The following C2CD3 variants were observed in gnomAD, a reference collection of about 807,000 sequenced individuals.
The protein encoded by C2CD3 is C2 domain containing 3 centriole elongation regulator.
A neutral mutation model predicts 234.0 loss-of-function variants in C2CD3; 148 were observed. The observed-to-expected ratio is 0.63, with a 90% CI of 0.55 to 0.72. The LOEUF (loss-of-function observed/expected upper bound fraction) is 0.72, where lower values mean the gene tolerates loss of function less well. Ranked by LOEUF, C2CD3 falls within the 30% of genes least tolerant of loss-of-function variation. The pLI, the probability that C2CD3 is intolerant of heterozygous loss-of-function variation, is 0.00. For synonymous variants in C2CD3, 1,000 were observed against 1,035.4 expected (o/e 0.97, Z 0.66); for missense variants, 2,577 against 2,811.5 (o/e 0.92, Z 1.89).
intron 24 of C2CD3, among the ~76,000 whole-genome samples, chr11:74,073,303 T>C (rs1954881021): frequency 6.6e-6 from 1 of 152,158 alleles, no homozygotes; most frequent in Non-Finnish European, 1.5e-5. Context: ...ATAACTACTG[T>C]AGGTCTGGCA....
chr11:74,045,089 AT>A (rs1019123989), intron 28 of C2CD3, among the ~76,000 whole-genome samples: 2 of 151,992 alleles, frequency 1.3e-5, no homozygotes, highest in Non-Finnish European at 2.9e-5. Flanking sequence ...TTTGAAGTTA[AT>A]TTTTGTGTAT....
In C2CD3 at chr11:74,028,339, A is replaced by AG. The variant is rs1225137015; in HGVS notation, c.6868dup (p.Leu2290ProfsTer38). 1 of 1,535,992 alleles carries AG rather than the reference A, an allele frequency of 6.5e-7. No homozygotes were observed. Among genetic ancestry groups the AG allele is most frequent in the Non-Finnish European group, 8.7e-7 (1 of 1,146,896 alleles). On this transcript the variant is annotated frameshift_variant, in exon 32 of 33. Transcript: ENST00000334126. LOFTEE classifies it high-confidence loss of function. ...AGTTGCTGAGAGTGAAAGCATCCGC[A>AG]GGGAAGCCTCCAACTGCTGGGGAGG...
intron 25 of C2CD3, among the ~76,000 whole-genome samples, chr11:74,055,045 G>C (rs1293690303): frequency 6.6e-6 from 1 of 152,220 alleles, no homozygotes; most frequent in Non-Finnish European, 1.5e-5. Context: ...GAGAAGGGAA[G>C]AGGAAGAGAA....
intron 16 of C2CD3, among the ~76,000 whole-genome samples, chr11:74,095,763 T>C (rs768587108): frequency 8.5e-5 from 13 of 152,180 alleles, no homozygotes; most frequent in Non-Finnish European, 1.6e-4. Context: ...GTTCCCTTCA[T>C]AGGAAAAATA....
chr11:74,168,264 C>A, intron 2 of C2CD3, 80 bp downstream of exon 2: 1 of 1,177,470 alleles, frequency 8.5e-7, no homozygotes. Flanking sequence ...ATGCTAGGTA[C>A]ACAACAACAC....
chr11:74,073,859 G>C (rs1954910486), intron 24 of C2CD3, among the ~76,000 whole-genome samples: 1 of 152,158 alleles, frequency 6.6e-6, no homozygotes, highest in African/African-American at 2.4e-5. Flanking sequence ...CTAACCCGGA[G>C]TTTGAACTTT....
At chr11:74,080,646 T>C (rs1955306863) in intron 22 of C2CD3, among the ~76,000 whole-genome samples, 1 of 152,200 alleles carries the variant, frequency 6.6e-6, no homozygotes, top group African/African-American at 2.4e-5. Context: ...AGAGAAATGA[T>C]ATATCCTTAA....
chr11:74,082,496 G>C (rs1018964642), intron 22 of C2CD3, among the ~76,000 whole-genome samples: 5 of 152,078 alleles, frequency 3.3e-5, no homozygotes, highest in African/African-American at 7.2e-5. Context: ...TAGCATGAAG[G>C]GCTGTTGAAT....
intron 20 of C2CD3, among the ~76,000 whole-genome samples, chr11:74,087,338 C>T (rs574574250): frequency 7.8e-4 from 119 of 151,882 alleles, no homozygotes; most frequent in East Asian, 1.2e-3. Context: ...CTGAGGTGGA[C>T]GGATCACCTG....
chr11:74,164,076 C>G (rs536987632), intron 2 of C2CD3: 100 of 533,794 alleles, frequency 1.9e-4, no homozygotes, highest in Non-Finnish European at 2.2e-4. Context: ...TATAAGTCCA[C>G]TACACTTAAT....
Position 74,074,497 on chromosome 11 carries a change from A to G in C2CD3, c.4707T>C (p.His1569=). 6.2e-7 allele frequency: 1 copy of G among 1,614,220 alleles called. No homozygotes were observed. The highest frequency in any genetic ancestry group is 8.5e-7 in the Non-Finnish European group (1 of 1,180,022). ...TGCTGCAGTCCATGGAGTCCAGCTC[A>G]TGAGTGGGCTCAAGGTGTGAGGAAA... The part of the protein sequence containing the change: ...SSLSSHLEPT[H]ELDSMDCSSH... Residue 1569 remains histidine (H), a synonymous_variant, in exon 24 of 33, where the codon CAT becomes CAC. Coordinates refer to ENST00000334126, the MANE Select transcript of C2CD3 (RefSeq NM_001286577.2).
chr11:74,111,275 T>C (rs989487844), intron 11 of C2CD3, among the ~76,000 whole-genome samples: 1 of 152,138 alleles, frequency 6.6e-6, no homozygotes, highest in African/African-American at 2.4e-5. Flanking sequence ...CATGTACAGG[T>C]TGGGCAGCCC....
At position 74,028,390 on chromosome 11, in the gene C2CD3, G is replaced by C. The variant is rs763957253; in HGVS notation, c.6818C>G (p.Pro2273Arg). Reference sequence around the variant, plus strand: ...CAAAAAGAAGTTGGGCACCACAATGGGCCCTGGGCTACAATGGTAGTTAAG... The same window carrying C: ...CAAAAAGAAGTTGGGCACCACAATGCGCCCTGGGCTACAATGGTAGTTAAG... ...STKQSLLLPG[P>R]IVVPNFFLPP... is the part of the protein sequence containing the mutation. The change falls in exon 32 of 33, where the codon CCC becomes CGC. Residue 2273 changes from proline (P) to arginine (R), a missense_variant. Physicochemically the swap from Pro to Arg is moderately radical, Grantham distance 103. Transcript: ENST00000334126. 52 of 1,534,306 alleles carry C rather than the reference G, an allele frequency of 3.4e-5. No individual in the cohort carries two copies. Among genetic ancestry groups the C allele is most frequent in the Non-Finnish European group, 4.3e-5 (49 of 1,145,640 alleles).
intron 3 of C2CD3, among the ~76,000 whole-genome samples, chr11:74,151,316 T>TATTCATTC (rs1348956159): frequency 1.3e-5 from 2 of 151,544 alleles, no homozygotes; most frequent in South Asian, 2.1e-4. Flanking sequence ...TTTATTTATT[T>TATTCATTC]ATTTATTTAT....
chr11:74,015,648 T>G (rs1039419357), intron 32 of C2CD3, among the ~76,000 whole-genome samples: 1 of 152,162 alleles, frequency 6.6e-6, no homozygotes, highest in African/African-American at 2.4e-5. Flanking sequence ...CTATCTCAAA[T>G]CCTAAAACCA....
At chr11:74,040,727 G>GCCGGGGCAACAGTGCGAGACC (rs1246975546) in intron 29 of C2CD3, among the ~76,000 whole-genome samples, 1 of 152,124 alleles carries the variant, frequency 6.6e-6, no homozygotes, top group Non-Finnish European at 1.5e-5. Flanking sequence ...CTGCACTCCA[G>GCCGGGGCAACAGTGCGAGACC]CCGGGGCAAC....
chr11:74,170,831 T>C lies in C2CD3; in HGVS notation c.-39A>G. ...TCTTCTTCACCAGCTCAACTCCGTC[T>C]CCAGCACCTAAGCAGTATCCTCCCG... On this transcript the variant is annotated 5_prime_UTR_variant, in exon 1 of 33. Coordinates refer to ENST00000334126, the MANE Select transcript of C2CD3 (RefSeq NM_001286577.2). 1.9e-6 allele frequency: 3 copies of C among 1,612,728 alleles called. No individual in the cohort carries two copies. The highest frequency in any genetic ancestry group is 2.5e-6 in the Non-Finnish European group (3 of 1,179,332).
intron 28 of C2CD3, 27 bp from the exon 29 acceptor site, chr11:74,042,245 A>C (rs375448791): frequency 7.2e-6 from 11 of 1,536,892 alleles, no homozygotes; most frequent in Non-Finnish European, 8.9e-6. Context: ...AAAAAAAAGT[A>C]GGAGCAAAAT....
At chr11:74,166,063 C>T (rs977240677) in intron 2 of C2CD3, among the ~76,000 whole-genome samples, 3 of 152,034 alleles carry the variant, frequency 2.0e-5, no homozygotes, top group African/African-American at 7.2e-5. Context: ...GTAATCCCAG[C>T]ACTTTGGGAG....
Sources: allele counts gnomAD v4.1 joint callset (sites outside exome capture counted in the v4.1 genomes callset), GRCh38; gene constraint gnomAD v4.1.1; transcripts MANE v1.5; gene names NCBI Gene and HGNC (gene_info 2026-07-23, HGNC 2026-07-21).